Variants in RYR2 observed in about 807,000 individuals in gnomAD.
RYR2 encodes the protein cardiac muscle ryanodine receptor-calcium release channel.
In RYR2, 227 loss-of-function variants were observed where a neutral mutation model predicts 601.1. The ratio of observed to expected loss-of-function variants is 0.38; its 90% CI spans 0.34 to 0.42. The LOEUF (loss-of-function observed/expected upper bound fraction) is 0.42. Among genes scored for constraint, RYR2 ranks in the 10% least tolerant of loss-of-function variants. The pLI is 1.00. For synonymous variants in RYR2, 2,223 were observed against 2,175.1 expected (o/e 1.02, Z -0.61); for missense variants, 4,646 against 6,156.5 (o/e 0.75, Z 8.21).
chr1:237,159,063 C>T (rs190924996), intron 1 of RYR2, among the ~76,000 whole-genome samples: 3 of 152,264 alleles, frequency 2.0e-5, no homozygotes, highest in African/African-American at 4.8e-5. Context: ...GAGGCCGAGG[C>T]GGGCGGATCA....
intron 11 of RYR2, among the ~76,000 whole-genome samples, chr1:237,422,732 T>C (rs1184018507): frequency 1.3e-5 from 2 of 152,200 alleles, no homozygotes; most frequent in Non-Finnish European, 2.9e-5. Context: ...GGAGTTATAC[T>C]TCCTGCATTA....
chr1:237,393,880 C>G (rs901918619), intron 10 of RYR2, among the ~76,000 whole-genome samples: 2 of 152,184 alleles, frequency 1.3e-5, no homozygotes, highest in Non-Finnish European at 2.9e-5. Flanking sequence ...AAGGCAAGGA[C>G]TGGGTAAAAT....
chr1:237,143,769 T>C (rs562803973), intron 1 of RYR2, among the ~76,000 whole-genome samples: 1 of 152,218 alleles, frequency 6.6e-6, no homozygotes, highest in East Asian at 1.9e-4. Context: ...AAATACCCCC[T>C]GTCTGACCAG....
At chr1:237,492,824 AAAGG>A (rs748804324) in intron 18 of RYR2, 126 bp from the exon 19 acceptor site, 16,634 of 770,996 alleles carry the variant, frequency 0.022, 205 homozygotes, top group East Asian at 0.027. Context: ...ATGCTGTCTG[AAAGG>A]AAGGAAGGAA....
At chr1:237,569,959 T>G (rs1235978162) in intron 29 of RYR2, among the ~76,000 whole-genome samples, 2 of 152,156 alleles carry the variant, frequency 1.3e-5, no homozygotes, top group African/African-American at 2.4e-5. Flanking sequence ...GGCTCAAGCC[T>G]GTAATCCCAG....
chr1:237,579,248 C>CTTTT (rs546960253), intron 29 of RYR2, among the ~76,000 whole-genome samples: 30 of 68,044 alleles, frequency 4.4e-4, no homozygotes, highest in Non-Finnish European at 6.2e-4. Context: ...TCTTCTTCTT[C>CTTTT]TTTTTTTTTT....
chr1:237,817,654 T>C (rs912455122), intron 100 of RYR2, among the ~76,000 whole-genome samples: 2 of 151,948 alleles, frequency 1.3e-5, no homozygotes, highest in Non-Finnish European at 2.9e-5. Flanking sequence ...CTGGGAAAGG[T>C]CCCCCAAGGG....
intron 98 of RYR2, among the ~76,000 whole-genome samples, chr1:237,805,438 G>A (rs1171611988): frequency 1.3e-5 from 2 of 151,858 alleles, no homozygotes; most frequent in African/African-American, 2.4e-5. Context: ...ATAATTAGCC[G>A]GGCGTGGTGG....
At chr1:237,558,414 A>G (rs1240333314) in intron 27 of RYR2, among the ~76,000 whole-genome samples, 3 of 152,152 alleles carry the variant, frequency 2.0e-5, no homozygotes, top group Non-Finnish European at 2.9e-5. Flanking sequence ...TTTTTCTTTT[A>G]GTACTCAGAT....
chr1:237,496,737 C>T lies in RYR2; in HGVS notation c.2188C>T (p.Leu730Phe), dbSNP rs766829251. The T allele has an allele frequency of 3.1e-6, 5 of 1,613,688 alleles. No homozygotes were observed. In the Admixed American group the frequency reaches 6.7e-5, roughly 22 times the overall value. The change falls in exon 20 of 105, where the codon CTT (leucine) becomes TTT (phenylalanine). Residue 730 changes from leucine (L) to phenylalanine (F), a missense_variant. Coordinates refer to ENST00000366574, the MANE Select transcript of RYR2 (RefSeq NM_001035.3). Reference sequence around the variant, plus strand: ...TCTCTTCTCCTATGGATTTGATGGCCTTCATCTCTGGTCAGGTACGTACTA... The same window carrying T: ...TCTCTTCTCCTATGGATTTGATGGCTTTCATCTCTGGTCAGGTACGTACTA... ...DDLFSYGFDG[L>F]HLWSGCIART...
At chr1:237,742,534 T>C (rs1691705809) in intron 80 of RYR2, among the ~76,000 whole-genome samples, 185 bp downstream of exon 80, 2 of 152,154 alleles carry the variant, frequency 1.3e-5, no homozygotes, top group Non-Finnish European at 2.9e-5. Context: ...CCAAGGATCA[T>C]AGAATAGTTA....
At chr1:237,713,377 T>A (rs1688996133) in intron 71 of RYR2, among the ~76,000 whole-genome samples, 1 of 152,084 alleles carries the variant, frequency 6.6e-6, no homozygotes, top group Non-Finnish European at 1.5e-5. Context: ...ACTAAAAAAT[T>A]ATTTTTTTGT....
At chr1:237,552,530 T>C (rs1415807603) in intron 27 of RYR2, among the ~76,000 whole-genome samples, 1 of 152,066 alleles carries the variant, frequency 6.6e-6, no homozygotes, top group Non-Finnish European at 1.5e-5. Flanking sequence ...AGAAAGTTTG[T>C]GTTCCCAACA....
intron 2 of RYR2, among the ~76,000 whole-genome samples, chr1:237,326,821 T>A (rs768077288): frequency 1.5e-4 from 23 of 152,218 alleles, no homozygotes; most frequent in Middle Eastern, 3.2e-3. Flanking sequence ...TATCTTCCAT[T>A]CCTGGCATTA....
At chr1:237,291,185 A>G (rs953386488) in intron 2 of RYR2, among the ~76,000 whole-genome samples, 8 of 152,150 alleles carry the variant, frequency 5.3e-5, no homozygotes, top group African/African-American at 1.9e-4. Context: ...GAAAACATGC[A>G]CATACGTATT....
Position 237,454,577 on chromosome 1 carries a change from C to T in RYR2, c.1476+3C>T, listed in dbSNP as rs1387762631. The T allele has an allele frequency of 5.0e-6, 8 of 1,611,922 alleles. No individual in the cohort carries two copies. The Admixed American group carries it at 1.2e-4, about 24-fold the overall frequency. ...GGCAAAATCTCTTCCAGGAAGAGGT[C>T]CGTTTCTATCAACACTCATTTCTCT... On this transcript the variant is annotated splice_donor_region_variant and intron_variant, in intron 15 of 104. Transcript: ENST00000366574.
At chr1:237,823,531 T>C (rs1019527842) in intron 101 of RYR2, among the ~76,000 whole-genome samples, 2 of 152,136 alleles carry the variant, frequency 1.3e-5, no homozygotes, top group Non-Finnish European at 2.9e-5. Context: ...TTTAAAGTAG[T>C]GTGTAGAGGG....
chr1:237,337,827 T>C (rs1366348509), intron 3 of RYR2, among the ~76,000 whole-genome samples: 4 of 152,212 alleles, frequency 2.6e-5, no homozygotes, highest in African/African-American at 7.2e-5. Flanking sequence ...AGCCCCTAGC[T>C]ATAGTTGCTC....
intron 1 of RYR2, among the ~76,000 whole-genome samples, chr1:237,061,605 G>T (rs1662901945): frequency 6.6e-6 from 1 of 152,144 alleles, no homozygotes; most frequent in Non-Finnish European, 1.5e-5. Flanking sequence ...GACCAGAATT[G>T]TCTTTTTTAA....
Sources: gnomAD v4.1 joint callset for allele counts (sites outside exome capture counted in the v4.1 genomes callset) on GRCh38, gnomAD v4.1.1 for gene constraint, MANE v1.5 for transcripts, NCBI Gene and HGNC (gene_info 2026-07-23, HGNC 2026-07-21) for gene names.